The following CTNNA3 variants were observed in gnomAD, a reference collection of about 807,000 sequenced individuals.
The protein encoded by CTNNA3 is catenin alpha 3.
In CTNNA3, 76 loss-of-function variants were observed where a neutral mutation model predicts 95.7. The ratio of observed to expected loss-of-function variants is 0.79; its 90% CI spans 0.66 to 0.96. The LOEUF (loss-of-function observed/expected upper bound fraction) is 0.96, where lower values mean the gene tolerates loss of function less well. CTNNA3 is among the 40% of genes least tolerant of loss of function. CTNNA3 has a pLI of 0.00. For synonymous variants in CTNNA3, 431 were observed against 374.4 expected, an observed-to-expected ratio of 1.15 and a Z score of -1.74; for missense variants, 1,191 against 1,089.8, an observed-to-expected ratio of 1.09 and a Z score of -1.31.
At chr10:66,784,974 C>T (rs1382375026) in intron 7 of CTNNA3, among the ~76,000 whole-genome samples, 3 of 152,160 alleles carry the variant, frequency 2.0e-5, no homozygotes, top group African/African-American at 7.2e-5. Context: ...CGGCTACTTG[C>T]TGATGAATAA....
intron 12 of CTNNA3, among the ~76,000 whole-genome samples, chr10:66,335,349 A>G (rs549839414): frequency 1.1e-4 from 16 of 151,704 alleles, no homozygotes; most frequent in Admixed American, 8.5e-4. Flanking sequence ...TTTTTTCCCC[A>G]TCTTTGTGGT....
intron 5 of CTNNA3, among the ~76,000 whole-genome samples, chr10:67,244,817 A>G (rs1865849415): frequency 6.6e-6 from 1 of 152,144 alleles, no homozygotes; most frequent in Non-Finnish European, 1.5e-5. Flanking sequence ...GGCATCTCAG[A>G]CATTCTGTAT....
chr10:66,532,268 C>T (rs922301065), intron 10 of CTNNA3, among the ~76,000 whole-genome samples: 4 of 152,048 alleles, frequency 2.6e-5, no homozygotes, highest in Admixed American at 6.6e-5. Context: ...CGAGACCATC[C>T]TGGCTAACAT....
At chr10:66,171,732 T>C (rs1227084393) in intron 13 of CTNNA3, among the ~76,000 whole-genome samples, 1 of 151,988 alleles carries the variant, frequency 6.6e-6, no homozygotes, top group Non-Finnish European at 1.5e-5. Flanking sequence ...GTTCTAATGA[T>C]GGAATTAGCT....
chr10:66,999,298 C>T (rs1461980449), intron 7 of CTNNA3, among the ~76,000 whole-genome samples: 2 of 152,060 alleles, frequency 1.3e-5, no homozygotes, highest in Non-Finnish European at 2.9e-5. Flanking sequence ...TAAAAATAGG[C>T]ATTGCTAAAT....
At chr10:67,683,427 A>T (rs1365739521) in intron 1 of CTNNA3, among the ~76,000 whole-genome samples, 1 of 152,232 alleles carries the variant, frequency 6.6e-6, no homozygotes, top group East Asian at 1.9e-4. Context: ...GAATGAATGA[A>T]TTCCAAACCA....
chr10:67,173,832 A>T (rs1862121055), intron 7 of CTNNA3, among the ~76,000 whole-genome samples: 1 of 152,230 alleles, frequency 6.6e-6, no homozygotes, highest in South Asian at 2.1e-4. Flanking sequence ...AACACTAGGG[A>T]GTAAAGGAAC....
At chr10:67,203,021 C>A (rs1863717917) in intron 6 of CTNNA3, among the ~76,000 whole-genome samples, 1 of 152,108 alleles carries the variant, frequency 6.6e-6, no homozygotes, top group Non-Finnish European at 1.5e-5. Flanking sequence ...AAAACTAACT[C>A]CAAAAAAAGG....
chr10:66,333,741 A>G lies in CTNNA3; in HGVS notation c.1732+45411T>C, dbSNP rs1196588143. On this transcript the variant is annotated intron_variant, in intron 12 of 17. Coordinates refer to ENST00000433211, the MANE Select transcript of CTNNA3 (RefSeq NM_013266.4). ...GTGGAGAGTTCTGTAGATGTCTATT[A>G]GGTCTGCTTGGTGCAGAGCTGAGTT... 2.0e-5 allele frequency among the ~76,000 whole-genome samples: 3 copies of G among 151,658 alleles called. 1 individual carries two copies. The highest frequency in any genetic ancestry group is 2.1e-4 in the South Asian group (1 of 4,754).
rs1417713676 is a variant in CTNNA3 at position 66,331,338 on chromosome 10, G to GCTTGCTTT, written c.1732+47813_1732+47814insAAAGCAAG. ...TTAAATATGGACTCCTTTCCCCATT[G>GCTTGCTTT]TTTGTTTTTTTTTTTTTTTTTTTTT... On this transcript the variant is annotated intron_variant, in intron 12 of 17. Coordinates refer to ENST00000433211, the MANE Select transcript of CTNNA3 (RefSeq NM_013266.4). Among the ~76,000 whole-genome samples the GCTTGCTTT allele has an allele frequency of 6.2e-3, 244 of 39,096 alleles. 49 individuals carry two copies. Among genetic ancestry groups the GCTTGCTTT allele is most frequent in the African/African-American group, 0.014 (199 of 13,974 alleles). 25.6% of individuals were successfully genotyped at this position (39,096 alleles called of 152,430 possible). A position where few individuals can be genotyped will look rare whatever the true frequency, so the allele number is the denominator to read the frequency against.
chr10:67,100,235 G>A (rs186632378), intron 7 of CTNNA3, among the ~76,000 whole-genome samples: 26 of 151,692 alleles, frequency 1.7e-4, no homozygotes, highest in Admixed American at 1.3e-3. Flanking sequence ...TAAAGTGAAC[G>A]ACTATAAATA....
At chr10:66,068,414 T>G (rs1392307453) in intron 15 of CTNNA3, among the ~76,000 whole-genome samples, 1 of 152,186 alleles carries the variant, frequency 6.6e-6, no homozygotes, top group Non-Finnish European at 1.5e-5. Context: ...TGTAAATTAT[T>G]TTGTATGTAA....
intron 12 of CTNNA3, among the ~76,000 whole-genome samples, chr10:66,280,832 T>C (rs575072220): frequency 6.6e-6 from 1 of 151,958 alleles, no homozygotes; most frequent in East Asian, 1.9e-4. Context: ...AAAGGCATTT[T>C]TTTTTTCTAA....
Position 66,401,341 on chromosome 10 carries a change from C to A in CTNNA3, c.1532-21989G>T, listed in dbSNP as rs549373641. On this transcript the variant is annotated intron_variant, in intron 11 of 17. Coordinates refer to ENST00000433211, the MANE Select transcript of CTNNA3 (RefSeq NM_013266.4). Reference sequence around the variant, plus strand: ...AGGAGTTTAAGACCGGCCTGGCCAACGTGGAAAAACCTTGTCTCTACTAAA... The same window carrying A: ...AGGAGTTTAAGACCGGCCTGGCCAAAGTGGAAAAACCTTGTCTCTACTAAA... 5.3e-5 allele frequency among the ~76,000 whole-genome samples: 8 copies of A among 152,018 alleles called. No homozygotes were observed. The South Asian group carries it at 1.0e-3, about 20-fold the overall frequency.
At chr10:67,506,545 A>G (rs934520574) in intron 5 of CTNNA3, among the ~76,000 whole-genome samples, 1 of 152,236 alleles carries the variant, frequency 6.6e-6, no homozygotes, top group African/African-American at 2.4e-5. Flanking sequence ...AGGCTGCATG[A>G]CTGGTGTGTG....
At position 65,915,070 on chromosome 10, in the gene CTNNA3, T is replaced by C. The variant is rs957163158; in HGVS notation, c.*5260A>G. ...ACATGAGGGCAAGGATCACTATTTGTTTTGTTATATGGTGTATCCTAAGAA... is the reference window on the plus strand; with the variant it reads ...ACATGAGGGCAAGGATCACTATTTGCTTTGTTATATGGTGTATCCTAAGAA... On this transcript the variant is annotated 3_prime_UTR_variant, in exon 18 of 18. Coordinates refer to ENST00000433211, the MANE Select transcript of CTNNA3 (RefSeq NM_013266.4). 3 of 152,104 alleles carry C rather than the reference T, an allele frequency of 2.0e-5. No homozygotes were observed. The highest frequency in any genetic ancestry group is 7.2e-5 in the African/African-American group (3 of 41,422). The allele number at this position is 152,104 out of a possible 1,614,324, so 9.4% of individuals were successfully genotyped here.
intron 7 of CTNNA3, among the ~76,000 whole-genome samples, chr10:66,995,149 T>C (rs1925609): frequency 0.51 from 77,170 of 151,982 alleles, 20,451 homozygotes; most frequent in East Asian, 0.78. Flanking sequence ...ATAATGCACA[T>C]TCCATAATCT....
intron 7 of CTNNA3, among the ~76,000 whole-genome samples, chr10:67,090,191 GT>G (rs1255280954): frequency 6.6e-6 from 1 of 151,988 alleles, no homozygotes; most frequent in East Asian, 1.9e-4. Flanking sequence ...CATCTTGAGT[GT>G]TTTCGAGATT....
intron 17 of CTNNA3, among the ~76,000 whole-genome samples, chr10:65,930,199 T>TAAAAAAAAAAAAAAAAAAAAAAAAAAAA (rs71472402): frequency 1.6e-5 from 1 of 60,716 alleles, no homozygotes. Context: ...CAGAGCTCAG[T>TAAAAAAAAAAAAAAAAAAAAAAAAAAAA]AAAAAAAAAA....
Sources: gnomAD v4.1 joint callset for allele counts (sites outside exome capture counted in the v4.1 genomes callset) on GRCh38, gnomAD v4.1.1 for gene constraint, MANE v1.5 for transcripts, NCBI Gene and HGNC (gene_info 2026-07-23, HGNC 2026-07-21) for gene names.